Variants in PAM observed in about 807,000 individuals in gnomAD.
The protein encoded by PAM is peptidylglycine alpha-amidating monooxygenase.
A neutral mutation model predicts 122.1 loss-of-function variants in PAM; 72 were observed. The observed-to-expected ratio is 0.59, with a 90% CI of 0.49 to 0.72. PAM has a LOEUF of 0.72. PAM is among the 30% of genes least tolerant of loss of function. PAM has a pLI of 0.00. For missense variants in PAM, 1,106 were observed against 1,183.7 expected (o/e 0.93, Z 0.96); for synonymous variants, 389 against 404.4 (o/e 0.96, Z 0.46).
intron 1 of PAM, among the ~76,000 whole-genome samples, chr5:102,862,595 G>A (rs983557429): frequency 1.3e-5 from 2 of 152,088 alleles, no homozygotes; most frequent in African/African-American, 4.8e-5. Context: ...TATAAGAGTG[G>A]GAACGTTATC....
intron 15 of PAM, among the ~76,000 whole-genome samples, chr5:102,979,358 T>C (rs1000107200): frequency 1.3e-5 from 2 of 152,186 alleles, no homozygotes; most frequent in Non-Finnish European, 2.9e-5. Flanking sequence ...TTGTTTTCTT[T>C]CTTACTTTGG....
chr5:102,861,689 G>T (rs538072520), intron 1 of PAM, among the ~76,000 whole-genome samples: 1 of 152,294 alleles, frequency 6.6e-6, no homozygotes, highest in South Asian at 2.1e-4. Context: ...TGATTTTATT[G>T]AGGTTATGTA....
intron 1 of PAM, among the ~76,000 whole-genome samples, chr5:102,806,011 G>A (rs538822240): frequency 6.6e-6 from 1 of 152,050 alleles, no homozygotes; most frequent in African/African-American, 2.4e-5. Flanking sequence ...CTCTTGGTTT[G>A]GTCTTATTTT....
At chr5:102,793,142 A>G (rs1300552803) in intron 1 of PAM, among the ~76,000 whole-genome samples, 1 of 152,172 alleles carries the variant, frequency 6.6e-6, no homozygotes, top group Admixed American at 6.6e-5. Flanking sequence ...AATTTTTTAT[A>G]GAACACCGAA....
intron 7 of PAM, among the ~76,000 whole-genome samples, chr5:102,929,630 G>C (rs867505070): frequency 1.3e-5 from 2 of 152,278 alleles, no homozygotes; most frequent in Middle Eastern, 3.4e-3. Flanking sequence ...CACAGGGAAT[G>C]TTTTAGACAA....
intron 16 of PAM, among the ~76,000 whole-genome samples, chr5:102,997,662 G>A (rs1776140167): frequency 6.6e-6 from 1 of 152,134 alleles, no homozygotes; most frequent in Admixed American, 6.5e-5. Flanking sequence ...AGTGGATAAT[G>A]AAATAGAATT....
intron 1 of PAM, among the ~76,000 whole-genome samples, chr5:102,766,538 C>T (rs952785493): frequency 5.3e-5 from 8 of 152,208 alleles, no homozygotes; most frequent in African/African-American, 1.9e-4. Flanking sequence ...TGAAGCTTGG[C>T]TTGCTTGCCC....
intron 1 of PAM, among the ~76,000 whole-genome samples, chr5:102,816,349 T>G (rs1580481372): frequency 6.6e-6 from 1 of 152,090 alleles, no homozygotes; most frequent in South Asian, 2.1e-4. Context: ...GAACTTACAT[T>G]ATAGGAGGAG....
intron 1 of PAM, among the ~76,000 whole-genome samples, chr5:102,850,822 A>G (rs570407715): frequency 1.3e-5 from 2 of 152,294 alleles, no homozygotes; most frequent in South Asian, 2.1e-4. Flanking sequence ...AAAAAACCAG[A>G]TATCTGGGAA....
chr5:102,992,806 T>C (rs1249228324), intron 16 of PAM, among the ~76,000 whole-genome samples: 1 of 152,148 alleles, frequency 6.6e-6, no homozygotes, highest in African/African-American at 2.4e-5. Flanking sequence ...CTGATATTTC[T>C]GAGGTTCACA....
chr5:102,767,102 A>G (rs72783837), intron 1 of PAM, among the ~76,000 whole-genome samples: 7,427 of 151,122 alleles, frequency 0.049, 263 homozygotes, highest in Non-Finnish European at 0.073. Flanking sequence ...CTGTTAAACA[A>G]CCAGAAGGGT....
rs17154732 is a variant in PAM at position 102,762,765 on chromosome 5, A to G, written c.-374+7417A>G. On this transcript the variant is annotated intron_variant, in intron 1 of 25. Coordinates refer to ENST00000438793, the MANE Select transcript of PAM (RefSeq NM_001177306.2). The stretch of plus-strand genomic sequence containing the variant: ...GTGTGTACATTTTCTCAAGCTGCAC[A>G]TGAGTAACTTTAATCAGGAGCGAAG... Among the ~76,000 whole-genome samples the G allele has an allele frequency of 8.6e-3, 1,311 of 152,282 alleles. 15 individuals carry two copies. The highest frequency in any genetic ancestry group is 0.03 in the African/African-American group (1,250 of 41,544).
At chr5:102,960,295 T>C (rs1762081512) in intron 13 of PAM, among the ~76,000 whole-genome samples, 1 of 151,990 alleles carries the variant, frequency 6.6e-6, no homozygotes, top group Non-Finnish European at 1.5e-5. Flanking sequence ...CAGATTCATT[T>C]TGGGACCAAT....
At chr5:102,893,578 T>G (rs1191007117) in intron 3 of PAM, among the ~76,000 whole-genome samples, 1 of 151,864 alleles carries the variant, frequency 6.6e-6, no homozygotes, top group East Asian at 1.9e-4. Context: ...ACATTGTAGT[T>G]TTTATTCTTT....
chr5:102,795,332 A>G (rs1444929952), intron 1 of PAM, among the ~76,000 whole-genome samples: 2 of 152,128 alleles, frequency 1.3e-5, no homozygotes. Flanking sequence ...GTAAAACTCA[A>G]AAATTACTAT....
intron 5 of PAM, 113 bp from the exon 6 acceptor site, chr5:102,924,844 A>C (rs578168425): frequency 1.5e-6 from 1 of 664,164 alleles, no homozygotes; most frequent in African/African-American, 1.8e-5. Flanking sequence ...CAATGATGAT[A>C]TATTGATGTA....
chr5:102,877,307 G>C (rs1034909963), intron 3 of PAM, among the ~76,000 whole-genome samples: 3 of 152,154 alleles, frequency 2.0e-5, no homozygotes, highest in Non-Finnish European at 2.9e-5. Flanking sequence ...CTAATGCAAG[G>C]CCCTATATGA....
chr5:102,927,635 C>T lies in PAM; in HGVS notation c.526+967C>T, dbSNP rs536297195. Among the ~76,000 whole-genome samples, 49 of 152,002 alleles carry T rather than the reference C, an allele frequency of 3.2e-4. No individual in the cohort carries two copies. In the South Asian group the frequency reaches 0.01, roughly 32 times the overall value. On this transcript the variant is annotated intron_variant, in intron 7 of 25. Transcript: ENST00000438793. ...ATGGGGTAGAAAGGACCATAGATTG[C>T]CAGCATTCAGAACGAGGACAGTAAA...
At chr5:102,830,735 C>G (rs1012576253) in intron 1 of PAM, among the ~76,000 whole-genome samples, 1 of 152,154 alleles carries the variant, frequency 6.6e-6, no homozygotes, top group Admixed American at 6.5e-5. Context: ...GTGGCCCATG[C>G]CTATTTCCCC....
Sources: gnomAD v4.1 joint callset for allele counts (sites outside exome capture counted in the v4.1 genomes callset) on GRCh38, gnomAD v4.1.1 for gene constraint, MANE v1.5 for transcripts, NCBI Gene and HGNC (gene_info 2026-07-23, HGNC 2026-07-21) for gene names.